Variants in LRMDA observed in about 807,000 individuals in gnomAD.
The protein encoded by LRMDA is leucine-rich melanocyte differentiation-associated protein.
In LRMDA, 18 loss-of-function variants were observed where a neutral mutation model predicts 29.8. The ratio of observed to expected loss-of-function variants is 0.60; its 90% CI spans 0.42 to 0.90. The LOEUF is 0.90. Among genes scored for constraint, LRMDA ranks in the 40% least tolerant of loss-of-function variants. LRMDA has a pLI of 0.00. For missense variants in LRMDA, 273 were observed against 273.9 expected (o/e 1.00, Z 0.02); for synonymous variants, 125 against 109.4 (o/e 1.14, Z -0.89).
intron 2 of LRMDA, among the ~76,000 whole-genome samples, chr10:75,503,972 CCATT>C (rs1025290593): frequency 1.3e-5 from 2 of 151,796 alleles, no homozygotes; most frequent in African/African-American, 4.8e-5. Flanking sequence ...TCAGGGCCAT[CCATT>C]CATTCATTTG....
intron 6 of LRMDA, among the ~76,000 whole-genome samples, chr10:76,361,258 C>CAA (rs67200824): frequency 6.1e-4 from 81 of 132,472 alleles, no homozygotes; most frequent in African/African-American, 2.0e-3. Context: ...GAGACTGTCT[C>CAA]AAAAAAAAAA....
chr10:76,105,682 G>A (rs1849469399), intron 5 of LRMDA, among the ~76,000 whole-genome samples: 1 of 152,156 alleles, frequency 6.6e-6, no homozygotes, highest in Non-Finnish European at 1.5e-5. Flanking sequence ...TGGAGGGAGT[G>A]TGGCCCTGCA....
chr10:76,546,751 A>C (rs758315276), intron 6 of LRMDA, among the ~76,000 whole-genome samples: 4 of 151,902 alleles, frequency 2.6e-5, no homozygotes, highest in Non-Finnish European at 5.9e-5. Flanking sequence ...CATTCCCTAG[A>C]ATGTTATACC....
At chr10:75,829,724 G>A (rs1284163897) in intron 2 of LRMDA, among the ~76,000 whole-genome samples, 1 of 151,984 alleles carries the variant, frequency 6.6e-6, no homozygotes, top group East Asian at 1.9e-4. Flanking sequence ...ATATTCTTTA[G>A]GGTAAGGGAT....
chr10:75,606,638 G>A (rs977684465), intron 2 of LRMDA, among the ~76,000 whole-genome samples: 7 of 152,178 alleles, frequency 4.6e-5, no homozygotes, highest in African/African-American at 1.7e-4. Flanking sequence ...CAGAGCTGCC[G>A]CAGTGTTTTT....
At chr10:75,567,759 G>T (rs1158325189) in intron 2 of LRMDA, among the ~76,000 whole-genome samples, 1 of 152,168 alleles carries the variant, frequency 6.6e-6, no homozygotes, top group Non-Finnish European at 1.5e-5. Context: ...GTTGAATCAG[G>T]TAATAGAATC....
chr10:76,544,927 C>A (rs989858735), intron 6 of LRMDA, among the ~76,000 whole-genome samples: 1 of 152,152 alleles, frequency 6.6e-6, no homozygotes, highest in Non-Finnish European at 1.5e-5. Flanking sequence ...GATTATATAT[C>A]ATCAGATTCC....
At chr10:76,345,903 T>C (rs1841103123) in intron 6 of LRMDA, among the ~76,000 whole-genome samples, 1 of 151,974 alleles carries the variant, frequency 6.6e-6, no homozygotes, top group Admixed American at 6.6e-5. Flanking sequence ...TATGGTAAAT[T>C]TGTAATATTG....
At chr10:76,125,492 A>G (rs1413171816) in intron 5 of LRMDA, among the ~76,000 whole-genome samples, 1 of 152,218 alleles carries the variant, frequency 6.6e-6, no homozygotes. Flanking sequence ...TTTGTTTCTC[A>G]TTGTATCACA....
chr10:76,530,345 T>C (rs1843220832), intron 6 of LRMDA, among the ~76,000 whole-genome samples: 1 of 152,148 alleles, frequency 6.6e-6, no homozygotes. Context: ...TTTCATAAAC[T>C]GCATCATAAA....
At chr10:76,215,250 A>G (rs772810791) in intron 5 of LRMDA, among the ~76,000 whole-genome samples, 3 of 152,198 alleles carry the variant, frequency 2.0e-5, no homozygotes, top group Non-Finnish European at 2.9e-5. Context: ...CAGACTGAGC[A>G]TGTGCAGGTT....
chr10:76,036,104 A>G lies in LRMDA; in HGVS notation c.228A>G (p.Arg76=), dbSNP rs60420182. 18,082 of 1,613,902 alleles carry G rather than the reference A, an allele frequency of 0.011. 523 individuals carry two copies. The highest frequency in any genetic ancestry group is 0.11 in the East Asian group (4,791 of 44,826). ...GDDLVLPGLP[R]LHTLTLNKNR... is the part of the protein sequence containing the mutation. ...ACCTTGTGTTGCCAGGGTTACCCAG[A>G]CTGCATACCTTAACCCTCAACAAGA... Residue 76 remains arginine, a synonymous_variant, in exon 3 of 7, where the codon AGA becomes AGG. Coordinates refer to ENST00000611255, the MANE Select transcript of LRMDA (RefSeq NM_001305581.2).
At chr10:76,344,515 T>C (rs1264106019) in intron 6 of LRMDA, among the ~76,000 whole-genome samples, 3 of 152,178 alleles carry the variant, frequency 2.0e-5, no homozygotes, top group Admixed American at 6.5e-5. Flanking sequence ...AAGCTTTTTT[T>C]CTTCCGTTTT....
intron 5 of LRMDA, among the ~76,000 whole-genome samples, chr10:76,210,637 A>G (rs1851618423): frequency 6.6e-6 from 1 of 152,174 alleles, no homozygotes; most frequent in Non-Finnish European, 1.5e-5. Flanking sequence ...TAGTGGGAAC[A>G]GTGGTGGTGC....
intron 2 of LRMDA, among the ~76,000 whole-genome samples, chr10:75,593,344 G>A (rs1840746166): frequency 6.6e-6 from 1 of 152,228 alleles, no homozygotes; most frequent in Admixed American, 6.5e-5. Flanking sequence ...ACACAATGCT[G>A]AGGAAAGCAA....
chr10:76,490,936 T>A (rs185928235), intron 6 of LRMDA, among the ~76,000 whole-genome samples: 1 of 152,080 alleles, frequency 6.6e-6, no homozygotes, highest in Non-Finnish European at 1.5e-5. Context: ...TTGTTTCTAT[T>A]GTATATTTTT....
intron 2 of LRMDA, among the ~76,000 whole-genome samples, chr10:75,739,028 G>A (rs1268380270): frequency 3.3e-5 from 5 of 152,194 alleles, no homozygotes; most frequent in Non-Finnish European, 5.9e-5. Flanking sequence ...CACACTGACC[G>A]TTAAATTACC....
chr10:75,797,399 G>A (rs938154243), intron 2 of LRMDA, among the ~76,000 whole-genome samples: 15 of 151,818 alleles, frequency 9.9e-5, no homozygotes, highest in African/African-American at 3.6e-4. Flanking sequence ...TTTATTTGAG[G>A]TACAATTTGC....
intron 5 of LRMDA, among the ~76,000 whole-genome samples, chr10:76,086,271 C>T (rs937813240): frequency 1.3e-5 from 2 of 152,190 alleles, no homozygotes; most frequent in African/African-American, 2.4e-5. Flanking sequence ...ATACTTTCTG[C>T]CTTTCCTTCT....
Sources: gnomAD v4.1 joint callset for allele counts (sites outside exome capture counted in the v4.1 genomes callset) on GRCh38, gnomAD v4.1.1 for gene constraint, MANE v1.5 for transcripts, NCBI Gene and HGNC (gene_info 2026-07-23, HGNC 2026-07-21) for gene names.